Variants in HNRNPUL1 observed in about 807,000 individuals in gnomAD.
HNRNPUL1 encodes the protein heterogeneous nuclear ribonucleoprotein U-like protein 1.
In HNRNPUL1, 14 loss-of-function variants were observed where a neutral mutation model predicts 108.5. The ratio of observed to expected loss-of-function variants is 0.13; its 90% CI spans 0.09 to 0.20. HNRNPUL1 has a LOEUF of 0.20. Among genes scored for constraint, HNRNPUL1 ranks in the 10% least tolerant of loss-of-function variants. The pLI, the probability that HNRNPUL1 is intolerant of heterozygous loss-of-function variation, is 1.00. For synonymous variants in HNRNPUL1, 422 were observed against 445.2 expected, an observed-to-expected ratio of 0.95 and a Z score of 0.66; for missense variants, 804 against 1,168.3, an observed-to-expected ratio of 0.69 and a Z score of 4.55.
chr19:41,303,707 C>T (rs1330943132), intron 12 of HNRNPUL1, among the ~76,000 whole-genome samples: 2 of 152,160 alleles, frequency 1.3e-5, no homozygotes, highest in Non-Finnish European at 2.9e-5. Context: ...TATTGAGATG[C>T]TGGGACACAG....
chr19:41,268,147 A>G (rs2034970498), intron 1 of HNRNPUL1, 76 bp from the exon 2 acceptor site: 20 of 1,478,366 alleles, frequency 1.4e-5, no homozygotes, highest in Non-Finnish European at 1.8e-5. Flanking sequence ...GGACCTGCAG[A>G]TGCCTTCTGG....
chr19:41,301,876 A>G (rs1223997121), intron 11 of HNRNPUL1, 172 bp downstream of exon 11: 1 of 634,582 alleles, frequency 1.6e-6, no homozygotes, highest in East Asian at 3.0e-5. Flanking sequence ...TGGAAAAGCT[A>G]CCCATCTGTC....
chr19:41,264,407 C>CG lies in HNRNPUL1; in HGVS notation c.-97_-96insG. On this transcript the variant is annotated 5_prime_UTR_variant, in exon 1 of 15. Coordinates refer to ENST00000392006, the MANE Select transcript of HNRNPUL1 (RefSeq NM_007040.6). ...GCTGCCGCCATTGGAGTGGGCCCCC[C>CG]CCCTTTCCCCCTTCGCCTCCTGACA... The CG allele has an allele frequency of 9.3e-7, 1 of 1,072,792 alleles. No individual in the cohort carries two copies. The highest frequency in any genetic ancestry group is 1.2e-6 in the Non-Finnish European group (1 of 826,432). 66.5% of individuals were successfully genotyped at this position (1,072,792 alleles called of 1,614,324 possible).
At chr19:41,302,434 G>A (rs1458446628) in intron 11 of HNRNPUL1, 9 of 593,938 alleles carry the variant, frequency 1.5e-5, no homozygotes, top group Non-Finnish European at 2.5e-5. Flanking sequence ...GGCCAGGCTG[G>A]TCTTGAACTC....
At chr19:41,302,447 G>C (rs2122963753) in intron 11 of HNRNPUL1, 1 of 625,818 alleles carries the variant, frequency 1.6e-6, no homozygotes, top group African/African-American at 1.8e-5. Context: ...TTGAACTCCT[G>C]ACCTCAGGTG....
intron 3 of HNRNPUL1, 139 bp from the exon 4 acceptor site, chr19:41,273,843 T>G: frequency 1.5e-6 from 1 of 656,496 alleles, no homozygotes; most frequent in Non-Finnish European, 2.6e-6. Context: ...TCAGAGTTCT[T>G]TTGCCCACCT....
At chr19:41,273,583 C>T (rs998078972) in intron 3 of HNRNPUL1, among the ~76,000 whole-genome samples, 1 of 152,210 alleles carries the variant, frequency 6.6e-6, no homozygotes, top group Non-Finnish European at 1.5e-5. Flanking sequence ...TTTATATAGG[C>T]TCTTGCACAT....
chr19:41,291,984 A>C (rs1212825382), intron 7 of HNRNPUL1: 2 of 429,214 alleles, frequency 4.7e-6, no homozygotes, highest in South Asian at 4.8e-5. Flanking sequence ...TGTCTCAAAA[A>C]AAAAAAAAAC....
At chr19:41,297,928 C>T (rs2036984365) in intron 10 of HNRNPUL1, among the ~76,000 whole-genome samples, 1 of 152,170 alleles carries the variant, frequency 6.6e-6, no homozygotes, top group African/African-American at 2.4e-5. Context: ...CATCCCCAGC[C>T]AGCCATCCCT....
chr19:41,274,516 G>T (rs2035431490), intron 4 of HNRNPUL1, among the ~76,000 whole-genome samples: 1 of 152,212 alleles, frequency 6.6e-6, no homozygotes, highest in Admixed American at 6.5e-5. Context: ...GTCCTGTGAG[G>T]CACTAACCTG....
chr19:41,263,716 G>C (rs1239450350), upstream of HNRNPUL1, among the ~76,000 whole-genome samples: 1 of 152,198 alleles, frequency 6.6e-6, no homozygotes, highest in Non-Finnish European at 1.5e-5. Context: ...TTGTGAGGCA[G>C]TCCTCTGAAG....
chr19:41,264,882 G>T, intron 1 of HNRNPUL1, 84 bp downstream of exon 1: 1 of 1,344,242 alleles, frequency 7.4e-7, no homozygotes, highest in Non-Finnish European at 9.5e-7. Context: ...CAGCGCCTGA[G>T]GTCGGGGAGA....
rs140270750 is a variant in HNRNPUL1 at position 41,271,661 on chromosome 19, A to G, written c.419-421A>G. On this transcript the variant is annotated intron_variant, in intron 2 of 14. Coordinates refer to ENST00000392006, the MANE Select transcript of HNRNPUL1 (RefSeq NM_007040.6). The stretch of plus-strand genomic sequence containing the variant: ...CCCATCCTGACTTTCTGTTAATGGT[A>G]TGACTTAAAGAGGTTATTGCACCTA... Among the ~76,000 whole-genome samples, 22 of 152,222 alleles carry G rather than the reference A, an allele frequency of 1.4e-4. No individual in the cohort carries two copies. The East Asian group carries it at 1.7e-3, about 12-fold the overall frequency.
At chr19:41,295,331 A>G (rs2036829493) in intron 10 of HNRNPUL1, among the ~76,000 whole-genome samples, 2 of 152,228 alleles carry the variant, frequency 1.3e-5, no homozygotes, top group Non-Finnish European at 2.9e-5. Context: ...TTTGTATTTG[A>G]ACATAAATAT....
At chr19:41,303,703 G>C (rs1255021520) in intron 12 of HNRNPUL1, among the ~76,000 whole-genome samples, 1 of 152,160 alleles carries the variant, frequency 6.6e-6, no homozygotes, top group Admixed American at 6.5e-5. Flanking sequence ...CAGCTATTGA[G>C]ATGCTGGGAC....
chr19:41,281,426 CA>C (rs2035893334), intron 7 of HNRNPUL1, 151 bp downstream of exon 7: 2 of 608,106 alleles, frequency 3.3e-6, no homozygotes, highest in East Asian at 5.6e-5. Flanking sequence ...TGTTTACTGT[CA>C]TTTTGTGGGA....
At position 41,305,761 on chromosome 19, in the gene HNRNPUL1, C is replaced by T. The variant is rs2037505765; in HGVS notation, c.2348C>T (p.Ala783Val). ...APPPPPPPPP[A>V]YNYGSYGGYN... is the part of the protein sequence containing the mutation. ...CCGCCTCCACCTCCACCACCACCTGCCTACAACTATGGGAGCTACGGCGGT... is the reference window on the plus strand; with the variant it reads ...CCGCCTCCACCTCCACCACCACCTGTCTACAACTATGGGAGCTACGGCGGT... The change falls in exon 14 of 15, where the codon GCC (alanine) becomes GTC (valine). Residue 783 changes from alanine (A) to valine (V), a missense_variant. Transcript: ENST00000392006. The T allele has an allele frequency of 6.2e-7, 1 of 1,613,834 alleles. No homozygotes were observed. Among genetic ancestry groups the T allele is most frequent in the Non-Finnish European group, 8.5e-7 (1 of 1,179,866 alleles).
chr19:41,295,211 G>A (rs556421194), intron 10 of HNRNPUL1, among the ~76,000 whole-genome samples: 1 of 152,236 alleles, frequency 6.6e-6, no homozygotes, highest in East Asian at 1.9e-4. Flanking sequence ...TATTGCTTCC[G>A]TCATTTTCTC....
chr19:41,292,180 C>CA lies in HNRNPUL1; in HGVS notation c.1000-64dup, dbSNP rs2036620733. The CA allele has an allele frequency of 6.5e-7, 1 of 1,545,502 alleles. No homozygotes were observed. Among genetic ancestry groups the CA allele is most frequent in the African/African-American group, 1.4e-5 (1 of 73,620 alleles). Reference sequence around the variant, plus strand: ...TTCTACTCCCTGCATCTACTGTCCTCACATTTGACTCCCAGTGCCTATGGC... The same window carrying CA: ...TTCTACTCCCTGCATCTACTGTCCTCAACATTTGACTCCCAGTGCCTATGGC... On this transcript the variant is annotated intron_variant, in intron 7 of 14. Transcript: ENST00000392006. The surrounding 1 kb of genome is among the most constrained non-coding windows in gnomAD (Gnocchi z 4.1).
Sources: gnomAD v4.1 joint callset for allele counts (sites outside exome capture counted in the v4.1 genomes callset) on GRCh38, gnomAD v4.1.1 for gene constraint, Gnocchi (gnomAD v3.1) non-coding constraint, MANE v1.5 for transcripts, NCBI Gene and HGNC (gene_info 2026-07-23, HGNC 2026-07-21) for gene names.